The following SYT10 variants were observed in gnomAD, a reference collection of about 807,000 sequenced individuals.
SYT10 encodes the protein synaptotagmin 10.
A neutral mutation model predicts 51.1 loss-of-function variants in SYT10; 31 were observed. The observed-to-expected ratio is 0.61, with a 90% CI of 0.46 to 0.82. The LOEUF is 0.82. Ranked by LOEUF, SYT10 falls within the 40% of genes least tolerant of loss-of-function variation. The probability of loss-of-function intolerance (pLI) is 0.00; values close to 1 mark genes in which losing one functional copy is unlikely to be tolerated. For missense variants in SYT10, 603 were observed against 634.0 expected (o/e 0.95, Z 0.53); for synonymous variants, 233 against 225.9 (o/e 1.03, Z -0.28).
At chr12:33,393,094 T>C (rs971063710) in intron 3 of SYT10, among the ~76,000 whole-genome samples, 1 of 149,214 alleles carries the variant, frequency 6.7e-6, no homozygotes, top group Middle Eastern at 3.5e-3. Context: ...AACACAACCA[T>C]GGACTTTAGC....
At chr12:33,398,989 A>T (rs1465977968) in intron 3 of SYT10, among the ~76,000 whole-genome samples, 2 of 152,224 alleles carry the variant, frequency 1.3e-5, no homozygotes, top group African/African-American at 2.4e-5. Flanking sequence ...TACAGGCTAC[A>T]TTGCCTCTAA....
chr12:33,377,629 CTTTT>C (rs375275079), intron 6 of SYT10, among the ~76,000 whole-genome samples: 134 of 114,000 alleles, frequency 1.2e-3, no homozygotes, highest in African/African-American at 5.0e-3. Context: ...TTTTCTTTTT[CTTTT>C]TTTTTTTTTT....
intron 2 of SYT10, among the ~76,000 whole-genome samples, chr12:33,413,334 G>A (rs957143047): frequency 1.3e-4 from 20 of 152,194 alleles, no homozygotes; most frequent in Middle Eastern, 3.4e-3. Flanking sequence ...TACTGAGAAT[G>A]CCACAAAGAT....
intron 3 of SYT10, among the ~76,000 whole-genome samples, chr12:33,401,045 C>A (rs550176566): frequency 6.6e-6 from 1 of 151,414 alleles, no homozygotes; most frequent in South Asian, 2.1e-4. Context: ...AAAAAATAGT[C>A]TTTATAGTGA....
chr12:33,390,046 T>A (rs927652006), intron 3 of SYT10, among the ~76,000 whole-genome samples: 1 of 152,214 alleles, frequency 6.6e-6, no homozygotes, highest in Admixed American at 6.5e-5. Context: ...GCTCTAAAAT[T>A]TTGTAATTTT....
chr12:33,425,026 T>A (rs1866538640), intron 2 of SYT10, among the ~76,000 whole-genome samples: 1 of 152,104 alleles, frequency 6.6e-6, no homozygotes, highest in African/African-American at 2.4e-5. Flanking sequence ...TACATTTAAG[T>A]AAGAAGTGGA....
intron 1 of SYT10, chr12:33,432,327 A>T (rs979445874): frequency 6.6e-6 from 1 of 152,066 alleles, no homozygotes; most frequent in Non-Finnish European, 1.5e-5. Context: ...CAAATATCTA[A>T]ATTTATTAAA....
intron 4 of SYT10, among the ~76,000 whole-genome samples, chr12:33,383,568 A>T (rs1866133894): frequency 6.6e-6 from 1 of 152,166 alleles, no homozygotes; most frequent in African/African-American, 2.4e-5. Flanking sequence ...ATTTATTTTT[A>T]AATTTTTAAA....
rs545524152 is a variant in SYT10 at position 33,434,394 on chromosome 12, T to C, written c.151+4978A>G. 2.6e-5 allele frequency among the ~76,000 whole-genome samples: 4 copies of C among 152,348 alleles called. No homozygotes were observed. In the South Asian group the frequency reaches 8.3e-4, roughly 32 times the overall value. On this transcript the variant is annotated intron_variant, in intron 1 of 6. Transcript: ENST00000228567. ...TACTGGTGACACAAAAATACAGATG[T>C]ATACAATTTAGTTGCAGAAGAGATT...
At chr12:33,434,569 A>T (rs1866622371) in intron 1 of SYT10, among the ~76,000 whole-genome samples, 1 of 152,156 alleles carries the variant, frequency 6.6e-6, no homozygotes, top group South Asian at 2.1e-4. Context: ...TTTGGGATGC[A>T]GAAGTGGGCG....
Position 33,426,168 on chromosome 12 carries a change from C to T in SYT10, c.479G>A (p.Arg160Lys), listed in dbSNP as rs747010869. 59 of 1,607,202 alleles carry T rather than the reference C, an allele frequency of 3.7e-5. No individual in the cohort carries two copies. The highest frequency in any genetic ancestry group is 4.8e-5 in the Non-Finnish European group (56 of 1,178,350). The change falls in exon 2 of 7, where the codon AGA (arginine) becomes AAA (lysine). Residue 160 changes from arginine to lysine, a missense_variant. Coordinates refer to ENST00000228567, the MANE Select transcript of SYT10 (RefSeq NM_198992.4). ...EHLIKHARVQ[R>K]QITEPTSSTR... ...TGATGACGTAGGCTCAGTAATTTGT[C>T]TTTGCACACGTGCATGTTTAATTAA...
chr12:33,402,696 A>C (rs1282899583), intron 3 of SYT10, among the ~76,000 whole-genome samples: 2 of 152,162 alleles, frequency 1.3e-5, no homozygotes, highest in African/African-American at 4.8e-5. Flanking sequence ...TAGAACAGAA[A>C]ATTTTAGAGA....
At chr12:33,402,818 T>C (rs1866317778) in intron 3 of SYT10, among the ~76,000 whole-genome samples, 2 of 152,116 alleles carry the variant, frequency 1.3e-5, no homozygotes, top group African/African-American at 4.8e-5. Flanking sequence ...ATGAGACACT[T>C]AAGACCCTTA....
At chr12:33,415,181 T>C (rs942192610) in intron 2 of SYT10, among the ~76,000 whole-genome samples, 1 of 152,260 alleles carries the variant, frequency 6.6e-6, no homozygotes, top group Admixed American at 6.5e-5. Context: ...CTTAACTTGT[T>C]TGAACTTTAT....
Position 33,407,286 on chromosome 12 carries a change from C to A in SYT10, c.580G>T (p.Glu194Ter), listed in dbSNP as rs1204055233. Reference protein sequence around the residue: ...VSSVDFSMGTEPVLQRGETTT... With the variant: ...VSSVDFSMGT ...GTTTCTCCTCGTTGTAAAACAGGTTCTGTGCCCATGCTAAAATCAACACTG... is the reference window on the plus strand; with the variant it reads ...GTTTCTCCTCGTTGTAAAACAGGTTATGTGCCCATGCTAAAATCAACACTG... The change falls in exon 3 of 7, where the codon GAA (glutamate) becomes TAA (stop). Residue 194 changes from glutamate to a stop codon, truncating the protein, a stop_gained. Transcript: ENST00000228567. LOFTEE classifies it high-confidence loss of function. 6.2e-7 allele frequency: 1 copy of A among 1,612,768 alleles called. No individual in the cohort carries two copies. Among genetic ancestry groups the A allele is most frequent in the Non-Finnish European group, 8.5e-7 (1 of 1,180,038 alleles).
Position 33,379,874 on chromosome 12 carries a change from G to A in SYT10, c.1458C>T (p.Ala486=). 6.2e-7 allele frequency: 1 copy of A among 1,613,928 alleles called. No individual in the cohort carries two copies. Among genetic ancestry groups the A allele is most frequent in the Non-Finnish European group, 8.5e-7 (1 of 1,179,930 alleles). ...AGTGCGTTATTGGTTTTCGATGATAGGCCAGCATTTCATTCCAGTGGTCTC... is the reference window on the plus strand; with the variant it reads ...AGTGCGTTATTGGTTTTCGATGATAAGCCAGCATTTCATTCCAGTGGTCTC... The part of the protein sequence containing the change: ...LGRDHWNEML[A]YHRKPITHWH... Residue 486 remains alanine (A), a synonymous_variant, in exon 6 of 7, where the codon GCC becomes GCT. Coordinates refer to ENST00000228567, the MANE Select transcript of SYT10 (RefSeq NM_198992.4).
chr12:33,388,167 T>C (rs7974936), intron 3 of SYT10, among the ~76,000 whole-genome samples: 1 of 152,066 alleles, frequency 6.6e-6, no homozygotes, highest in Non-Finnish European at 1.5e-5. Context: ...AATTGGAATC[T>C]TTTTGTATTA....
At chr12:33,409,518 C>CTT (rs60672554) in intron 2 of SYT10, among the ~76,000 whole-genome samples, 5,107 of 140,238 alleles carry the variant, frequency 0.036, 311 homozygotes, top group African/African-American at 0.13. Flanking sequence ...GATTTCTTTT[C>CTT]TTTTTTTTTT....
chr12:33,408,768 C>A (rs962202849), intron 2 of SYT10, among the ~76,000 whole-genome samples: 1 of 152,192 alleles, frequency 6.6e-6, no homozygotes, highest in African/African-American at 2.4e-5. Context: ...TCATCATTTT[C>A]TCCCTTTTGC....
Sources: gnomAD v4.1 joint callset for allele counts (sites outside exome capture counted in the v4.1 genomes callset) on GRCh38, gnomAD v4.1.1 for gene constraint, MANE v1.5 for transcripts, NCBI Gene and HGNC (gene_info 2026-07-23, HGNC 2026-07-21) for gene names.